The following DCC variants were observed in gnomAD, a reference collection of about 807,000 sequenced individuals.
The protein encoded by DCC is netrin receptor DCC.
In DCC, 58 loss-of-function variants were observed where a neutral mutation model predicts 172.5. That is an observed-to-expected ratio of 0.34 (90% CI 0.27 to 0.42). The LOEUF (loss-of-function observed/expected upper bound fraction) is 0.42. Among genes scored for constraint, DCC ranks in the 10% least tolerant of loss-of-function variants. DCC has a pLI of 1.00. For missense variants in DCC, 1,740 were observed against 1,791.0 expected, an observed-to-expected ratio of 0.97 and a Z score of 0.51; for synonymous variants, 709 against 644.5, an observed-to-expected ratio of 1.10 and a Z score of -1.52.
intron 12 of DCC, among the ~76,000 whole-genome samples, chr18:53,257,262 G>A (rs1020539936): frequency 6.6e-6 from 1 of 152,168 alleles, no homozygotes; most frequent in Non-Finnish European, 1.5e-5. Flanking sequence ...GAATAGGAGT[G>A]GTGAGAGAGG....
At chr18:53,037,684 A>G (rs1313419493) in intron 5 of DCC, among the ~76,000 whole-genome samples, 1 of 152,040 alleles carries the variant, frequency 6.6e-6, no homozygotes, top group African/African-American at 2.4e-5. Context: ...AACAAAGAAA[A>G]CCAAATGATG....
At chr18:53,198,959 C>T (rs2055492582) in intron 9 of DCC, among the ~76,000 whole-genome samples, 1 of 152,016 alleles carries the variant, frequency 6.6e-6, no homozygotes, top group African/African-American at 2.4e-5. Flanking sequence ...AAATGATGAG[C>T]AGTTAAGCCC....
chr18:52,858,997 T>G (rs902533761), intron 2 of DCC, among the ~76,000 whole-genome samples: 3 of 152,062 alleles, frequency 2.0e-5, no homozygotes, highest in African/African-American at 7.3e-5. Flanking sequence ...ATAATCTTAC[T>G]TTTCATATAT....
At chr18:53,065,774 T>TTTAG (rs1209938872) in intron 6 of DCC, among the ~76,000 whole-genome samples, 4 of 152,156 alleles carry the variant, frequency 2.6e-5, no homozygotes, top group African/African-American at 9.7e-5. Context: ...TGACTGCTCA[T>TTTAG]TTAGGTATTG....
intron 12 of DCC, among the ~76,000 whole-genome samples, chr18:53,233,811 C>T (rs1393216043): frequency 6.6e-6 from 1 of 152,120 alleles, no homozygotes; most frequent in African/African-American, 2.4e-5. Context: ...CACTCTTTCT[C>T]ATCTCAAAAT....
At chr18:53,043,315 G>A (rs1301345191) in intron 5 of DCC, among the ~76,000 whole-genome samples, 1 of 151,640 alleles carries the variant, frequency 6.6e-6, no homozygotes, top group Non-Finnish European at 1.5e-5. Context: ...GCCTGCTGGG[G>A]GTTGGGGGGC....
chr18:52,468,880 C>A (rs535343911), intron 1 of DCC, among the ~76,000 whole-genome samples: 76 of 152,186 alleles, frequency 5.0e-4, no homozygotes, highest in African/African-American at 1.6e-3. Flanking sequence ...CTGCTCCTCT[C>A]CTTATTTCAG....
chr18:52,933,119 T>C (rs1296341540), intron 5 of DCC, among the ~76,000 whole-genome samples: 1 of 152,100 alleles, frequency 6.6e-6, no homozygotes, highest in Admixed American at 6.6e-5. Flanking sequence ...TTTTGAAACA[T>C]ATGGCTGGAT....
At chr18:53,047,274 ATATATATATATATAATTT>A (rs71175548) in intron 5 of DCC, among the ~76,000 whole-genome samples, 12 of 18,216 alleles carry the variant, frequency 6.6e-4, no homozygotes, top group African/African-American at 5.5e-3. Context: ...ATATATATAT[ATATATATATATATAATTT>A]TATATATATA....
chr18:53,217,594 C>T (rs2055873936), intron 12 of DCC, among the ~76,000 whole-genome samples: 1 of 151,950 alleles, frequency 6.6e-6, no homozygotes, highest in South Asian at 2.1e-4. Flanking sequence ...AGACTGTTTT[C>T]AAGAGAAAAG....
At chr18:53,194,005 A>G (rs1327771221) in intron 9 of DCC, among the ~76,000 whole-genome samples, 3 of 152,212 alleles carry the variant, frequency 2.0e-5, no homozygotes, top group South Asian at 2.1e-4. Context: ...TACAAACATC[A>G]GATATTGATT....
At chr18:53,197,646 G>A (rs2055466956) in intron 9 of DCC, among the ~76,000 whole-genome samples, 1 of 151,934 alleles carries the variant, frequency 6.6e-6, no homozygotes, top group African/African-American at 2.4e-5. Flanking sequence ...ATAGTGGCAT[G>A]CCTTGATCCT....
intron 1 of DCC, among the ~76,000 whole-genome samples, chr18:52,627,909 C>T (rs1408643423): frequency 6.6e-6 from 1 of 152,158 alleles, no homozygotes; most frequent in Non-Finnish European, 1.5e-5. Context: ...TCCTGCTTTT[C>T]CCCACATTTT....
chr18:53,273,926 A>G (rs1198929002), intron 12 of DCC, among the ~76,000 whole-genome samples: 1 of 152,098 alleles, frequency 6.6e-6, no homozygotes, highest in Non-Finnish European at 1.5e-5. Flanking sequence ...TTCCCTGATA[A>G]TATTGTGTAG....
chr18:53,434,451 T>A (rs767365968), intron 21 of DCC, among the ~76,000 whole-genome samples: 1 of 152,202 alleles, frequency 6.6e-6, no homozygotes, highest in African/African-American at 2.4e-5. Context: ...AGTATAATTA[T>A]TTCTGGTGAA....
intron 12 of DCC, among the ~76,000 whole-genome samples, chr18:53,299,206 A>C (rs1196908356): frequency 2.6e-5 from 4 of 152,204 alleles, no homozygotes; most frequent in African/African-American, 9.6e-5. Flanking sequence ...AGTTCTTTGC[A>C]GCCAGGGACT....
intron 5 of DCC, among the ~76,000 whole-genome samples, chr18:53,037,181 G>A (rs1472153816): frequency 6.6e-6 from 1 of 151,938 alleles, no homozygotes; most frequent in African/African-American, 2.4e-5. Context: ...AGATTAAACT[G>A]CAAGTGAAGC....
intron 5 of DCC, among the ~76,000 whole-genome samples, chr18:52,983,245 T>C (rs539915626): frequency 2.8e-4 from 42 of 152,238 alleles, no homozygotes; most frequent in Non-Finnish European, 5.3e-4. Flanking sequence ...CATTAGGAGT[T>C]AACCAGGAAA....
At chr18:53,041,940 G>A (rs1412080993) in intron 5 of DCC, among the ~76,000 whole-genome samples, 1 of 152,044 alleles carries the variant, frequency 6.6e-6, no homozygotes, top group Non-Finnish European at 1.5e-5. Context: ...ATATAATCAT[G>A]TCATCTGCAA....
Sources: gnomAD v4.1 joint callset for allele counts (sites outside exome capture counted in the v4.1 genomes callset) on GRCh38, gnomAD v4.1.1 for gene constraint, MANE v1.5 for transcripts, NCBI Gene and HGNC (gene_info 2026-07-23, HGNC 2026-07-21) for gene names.